The following CDHR3 variants were observed in gnomAD, a reference collection of about 807,000 sequenced individuals.
CDHR3 encodes cadherin related family member 3.
Under a neutral mutation model 86.6 loss-of-function variants are expected in CDHR3, and 79 were observed. The observed-to-expected ratio is 0.91, with a 90% CI of 0.76 to 1.10. CDHR3 has a LOEUF of 1.10. CDHR3 is among the 50% of genes least tolerant of loss of function. CDHR3 has a pLI of 0.00. For synonymous variants in CDHR3, 421 were observed against 402.4 expected, an observed-to-expected ratio of 1.05 and a Z score of -0.55; for missense variants, 1,081 against 1,077.6, an observed-to-expected ratio of 1.00 and a Z score of -0.04.
chr7:106,017,564 G>GACACACACACACAC (rs539661927), intron 11 of CDHR3, among the ~76,000 whole-genome samples: 50 of 130,638 alleles, frequency 3.8e-4, no homozygotes, highest in African/African-American at 9.4e-4. Context: ...GTCACACACA[G>GACACACACACACAC]ACACACACAC....
Position 106,034,881 on chromosome 7 carries a change from C to G in CDHR3, c.*2184C>G, listed in dbSNP as rs1271144154. On this transcript the variant is annotated 3_prime_UTR_variant, in exon 19 of 19. Transcript: ENST00000317716. ...TCACCTGAGGTCAGGAGTTTGAGAC[C>G]AGCCTGGCCAACATGGTGAAACCCT... 6.6e-6 allele frequency among the ~76,000 whole-genome samples: 1 copy of G among 152,112 alleles called. No homozygotes were observed. The highest frequency in any genetic ancestry group is 1.5e-5 in the Non-Finnish European group (1 of 68,036).
chr7:105,978,387 C>A (rs762648129), intron 2 of CDHR3, among the ~76,000 whole-genome samples: 3 of 152,166 alleles, frequency 2.0e-5, no homozygotes, highest in Non-Finnish European at 4.4e-5. Flanking sequence ...AGCTTGACTC[C>A]CCTCTTTTCC....
At chr7:105,979,720 G>A (rs1417823487) in intron 2 of CDHR3, among the ~76,000 whole-genome samples, 1 of 152,144 alleles carries the variant, frequency 6.6e-6, no homozygotes, top group Non-Finnish European at 1.5e-5. Flanking sequence ...TGGAGTTGGA[G>A]CCAAGTTCTG....
chr7:106,024,522 A>G lies in CDHR3; in HGVS notation c.2218A>G (p.Arg740Gly). Residue 740 changes from arginine (R) to glycine (G), a missense_variant, in exon 15 of 19, where the codon AGA becomes GGA. Physicochemically the swap from Arg to Gly is moderately radical, Grantham distance 125. Transcript: ENST00000317716. ...CGTCCTATTGGCCAAAGCCATCCAC[A>G]GACACTGCCCCTGCAAGACTGGGAA... ...LVVLLAKAIH[R>G]HCPCKTGKNK... The G allele has an allele frequency of 6.2e-7, 1 of 1,614,042 alleles. No individual in the cohort carries two copies. The highest frequency in any genetic ancestry group is 8.5e-7 in the Non-Finnish European group (1 of 1,179,890).
chr7:105,965,184 T>C (rs577259698), intron 1 of CDHR3, among the ~76,000 whole-genome samples: 8 of 152,348 alleles, frequency 5.3e-5, no homozygotes, highest in African/African-American at 1.4e-4. Flanking sequence ...TTTGTGAGTC[T>C]GAGAACCTGG....
intron 2 of CDHR3, among the ~76,000 whole-genome samples, chr7:105,975,455 A>C (rs530351531): frequency 6.6e-6 from 1 of 152,334 alleles, no homozygotes; most frequent in South Asian, 2.1e-4. Context: ...TGATTTTTTC[A>C]GAAGATAATC....
intron 5 of CDHR3, among the ~76,000 whole-genome samples, chr7:105,995,667 C>CTGGA (rs1392348640): frequency 6.6e-6 from 1 of 152,220 alleles, no homozygotes; most frequent in Non-Finnish European, 1.5e-5. Flanking sequence ...AGGTGACCAT[C>CTGGA]TGGACCCTGT....
In CDHR3 at chr7:106,004,700, T is replaced by G. The variant is rs1490776500; in HGVS notation, c.1052+13T>G. The G allele has an allele frequency of 1.2e-6, 2 of 1,613,792 alleles. No homozygotes were observed. The highest frequency in any genetic ancestry group is 2.2e-5 in the South Asian group (2 of 91,032). ...AGTTCACCTTCAGGTATGCACACTT[T>G]GAAAGTTGGGCTGGACATTCTATCT... is the stretch of plus-strand genomic sequence containing the variant. On this transcript the variant is annotated intron_variant, in intron 8 of 18. Coordinates refer to ENST00000317716, the MANE Select transcript of CDHR3 (RefSeq NM_152750.5).
In CDHR3 at chr7:105,982,264, T is replaced by C. The variant is rs555232283; in HGVS notation, c.415+1131T>C. Among the ~76,000 whole-genome samples, 356 of 151,898 alleles carry C rather than the reference T, an allele frequency of 2.3e-3. 2 individuals carry two copies. Among genetic ancestry groups the C allele is most frequent in the South Asian group, 0.019 (93 of 4,798 alleles). On this transcript the variant is annotated intron_variant, in intron 3 of 18. Transcript: ENST00000317716. The stretch of plus-strand genomic sequence containing the variant: ...CAGGTGGATCACGAGGTCAGGAGAT[T>C]GAGACCATCCTGGCTAACATGGTGA...
Position 106,032,585 on chromosome 7 carries a change from C to T in CDHR3, c.2546C>T (p.Ala849Val). The change falls in exon 19 of 19, where the codon GCT becomes GTT. Residue 849 changes from alanine (A) to valine (V), a missense_variant. Coordinates refer to ENST00000317716, the MANE Select transcript of CDHR3 (RefSeq NM_152750.5). ...GATGAGCTGAGTGGCAAAGCGTGGG[C>T]TGAGGATGCTGGTCTGGGTTCCAGA... ...EEDELSGKAW[A>V]EDAGLGSRNE... 3.1e-6 allele frequency: 5 copies of T among 1,613,920 alleles called. No individual in the cohort carries two copies. The highest frequency in any genetic ancestry group is 4.2e-6 in the Non-Finnish European group (5 of 1,179,882).
chr7:106,020,013 G>C (rs1323387465), intron 12 of CDHR3, among the ~76,000 whole-genome samples: 1 of 151,974 alleles, frequency 6.6e-6, no homozygotes, highest in Non-Finnish European at 1.5e-5. Flanking sequence ...TCATCTGCAG[G>C]TGAGCCTATG....
Position 106,034,894 on chromosome 7 carries a change from A to G in CDHR3, c.*2197A>G, listed in dbSNP as rs1392947202. On this transcript the variant is annotated 3_prime_UTR_variant, in exon 19 of 19. Transcript: ENST00000317716. ...GGAGTTTGAGACCAGCCTGGCCAAC[A>G]TGGTGAAACCCTGTCTCTACTAAAA... Among the ~76,000 whole-genome samples the G allele has an allele frequency of 6.6e-6, 1 of 152,172 alleles. No individual in the cohort carries two copies. Among genetic ancestry groups the G allele is most frequent in the East Asian group, 1.9e-4 (1 of 5,190 alleles).
At chr7:106,031,662 T>G (rs886826969) in intron 18 of CDHR3, among the ~76,000 whole-genome samples, 1 of 152,176 alleles carries the variant, frequency 6.6e-6, no homozygotes, top group African/African-American at 2.4e-5. Flanking sequence ...GCTGGTGGGA[T>G]CCTGAGCTGA....
chr7:105,984,926 G>T (rs1320761883), intron 4 of CDHR3, among the ~76,000 whole-genome samples: 1 of 152,130 alleles, frequency 6.6e-6, no homozygotes, highest in Non-Finnish European at 1.5e-5. Flanking sequence ...GGGCATGATG[G>T]TGCGTGCTTG....
At position 106,030,707 on chromosome 7, in the gene CDHR3, G is replaced by A; in HGVS notation, c.2305-85G>A. On this transcript the variant is annotated intron_variant, in intron 17 of 18. Coordinates refer to ENST00000317716, the MANE Select transcript of CDHR3 (RefSeq NM_152750.5). This position sits in a 1 kb window ranked among gnomAD's most constrained non-coding sequence, Gnocchi z 4.8. ...TAGAAGTCAAGAAGGCTTTGGTTAA[G>A]GAACTTGGGTTGTGAGGATGTGTAG... 1 of 1,327,800 alleles carries A rather than the reference G, an allele frequency of 7.5e-7. No individual in the cohort carries two copies. Among genetic ancestry groups the A allele is most frequent in the South Asian group, 1.3e-5 (1 of 79,466 alleles). The allele number at this position is 1,327,800 out of a possible 1,614,324, so 82.3% of individuals were successfully genotyped here.
intron 2 of CDHR3, among the ~76,000 whole-genome samples, chr7:105,977,357 C>T (rs974034018): frequency 3.3e-5 from 5 of 152,222 alleles, no homozygotes; most frequent in African/African-American, 9.7e-5. Context: ...ACCTGCTCTT[C>T]CCACATTCTG....
chr7:105,991,055 G>T (rs1417521660), intron 4 of CDHR3, among the ~76,000 whole-genome samples: 1 of 152,234 alleles, frequency 6.6e-6, no homozygotes, highest in East Asian at 1.9e-4. Flanking sequence ...CAGAGAGCTT[G>T]TCTGACAAGC....
At chr7:106,005,887 C>T (rs940470416) in intron 8 of CDHR3, among the ~76,000 whole-genome samples, 11 of 152,200 alleles carry the variant, frequency 7.2e-5, no homozygotes. Context: ...CCAGTCTCCA[C>T]CCTGCTCTGT....
intron 2 of CDHR3, among the ~76,000 whole-genome samples, chr7:105,979,331 C>G (rs985779489): frequency 2.6e-5 from 4 of 152,104 alleles, no homozygotes; most frequent in Non-Finnish European, 5.9e-5. Flanking sequence ...TACGTGGCTC[C>G]TAGGTTGCCT....
Sources: gnomAD v4.1 joint callset for allele counts (sites outside exome capture counted in the v4.1 genomes callset) on GRCh38, gnomAD v4.1.1 for gene constraint, Gnocchi (gnomAD v3.1) non-coding constraint, MANE v1.5 for transcripts, NCBI Gene and HGNC (gene_info 2026-07-23, HGNC 2026-07-21) for gene names.